GSN: variants seen among roughly 807,000 people sequenced by gnomAD.
GSN encodes the protein gelsolin.
A neutral mutation model predicts 85.7 loss-of-function variants in GSN; 56 were observed. The observed-to-expected ratio is 0.65, with a 90% CI of 0.53 to 0.82. GSN has a LOEUF of 0.82. Ranked by LOEUF, GSN falls within the 40% of genes least tolerant of loss-of-function variation. GSN has a pLI of 0.00. For missense variants in GSN, 857 were observed against 979.8 expected, an observed-to-expected ratio of 0.87 and a Z score of 1.67; for synonymous variants, 373 against 399.1, an observed-to-expected ratio of 0.93 and a Z score of 0.78.
At position 121,310,785 on chromosome 9, in the gene GSN, G is replaced by C. The variant is rs772864569; in HGVS notation, c.453G>C (p.Glu151Asp). ...VKGRRVVRAT[E>D]VPVSWESFNN... Reference sequence around the variant, plus strand: ...GGCGGCGTGTGGTCCGTGCCACCGAGGTACCTGTGTCCTGGGAGAGCTTCA... The same window carrying C: ...GGCGGCGTGTGGTCCGTGCCACCGACGTACCTGTGTCCTGGGAGAGCTTCA... The change falls in exon 5 of 18, where the codon GAG becomes GAC. Residue 151 changes from glutamate (E) to aspartate (D), a missense_variant. Physicochemically the swap from Glu to Asp is conservative, Grantham distance 45. Coordinates refer to ENST00000432226, the MANE Select transcript of GSN (RefSeq NM_198252.3). The C allele has an allele frequency of 1.2e-6, 2 of 1,614,030 alleles. No homozygotes were observed. The highest frequency in any genetic ancestry group is 2.7e-5 in the African/African-American group (2 of 74,910).
At position 121,302,937 on chromosome 9, in the gene GSN, G is replaced by C; in HGVS notation, c.223G>C (p.Gly75Arg). 6.2e-7 allele frequency: 1 copy of C among 1,613,946 alleles called. No individual in the cohort carries two copies. The highest frequency in any genetic ancestry group is 8.5e-7 in the Non-Finnish European group (1 of 1,180,016). ...CAATGAGTGCAGCCAGGATGAGAGC[G>C]GGGCGGCCGCCATCTTTACCGTGCA... is the stretch of plus-strand genomic sequence containing the variant. Reference protein sequence around the residue: ...LGNECSQDESGAAAIFTVQLD... With the variant: ...LGNECSQDESRAAAIFTVQLD... The change falls in exon 4 of 18, where the codon GGG becomes CGG. Residue 75 changes from glycine to arginine, a missense_variant. Physicochemically the swap from Gly to Arg is moderately radical, Grantham distance 125. Coordinates refer to ENST00000432226, the MANE Select transcript of GSN (RefSeq NM_198252.3).
chr9:121,321,415 G>A lies in GSN; in HGVS notation c.1325+14G>A, dbSNP rs113863232. On this transcript the variant is annotated intron_variant, in intron 11 of 17. Transcript: ENST00000432226. Reference sequence around the variant, plus strand: ...AATCTATAACTGGTGAGGTTCTGGGGCCATTGGTGTGTGTCGTGGGGGTAC... The same window carrying A: ...AATCTATAACTGGTGAGGTTCTGGGACCATTGGTGTGTGTCGTGGGGGTAC... 3.3e-5 allele frequency: 53 copies of A among 1,612,506 alleles called. No homozygotes were observed. The African/African-American group carries it at 5.9e-4, about 18-fold the overall frequency.
chr9:121,321,658 C>A (rs1472439925), intron 11 of GSN, among the ~76,000 whole-genome samples: 1 of 152,240 alleles, frequency 6.6e-6, no homozygotes, highest in Non-Finnish European at 1.5e-5. Flanking sequence ...AAATCCATGA[C>A]AAGTACTAGG....
intron 2 of GSN, chr9:121,300,081 A>G (rs764337140): frequency 6.2e-6 from 10 of 1,610,516 alleles, no homozygotes; most frequent in East Asian, 4.5e-5. Context: ...CGCTAGGAAA[A>G]GGGGAGTAAT....
At chr9:121,281,271 T>G in intron 1 of GSN, 199 bp from the exon 2 acceptor site, 1 of 267,170 alleles carries the variant, frequency 3.7e-6, no homozygotes, top group South Asian at 4.0e-5. Context: ...TTAGGACAAT[T>G]CTTTTACGCA....
intron 6 of GSN, among the ~76,000 whole-genome samples, chr9:121,262,435 G>A (rs997402046): frequency 3.9e-5 from 6 of 152,158 alleles, no homozygotes; most frequent in African/African-American, 1.4e-4. Context: ...TAAAGTGACC[G>A]GCATAGAGTA....
chr9:121,288,058 G>T (rs965066166), intron 2 of GSN, among the ~76,000 whole-genome samples: 5 of 152,058 alleles, frequency 3.3e-5, no homozygotes, highest in Admixed American at 1.3e-4. Flanking sequence ...TCCCGAGTAG[G>T]TGGGACCACA....
chr9:121,276,464 A>C (rs756813337), intron 1 of GSN, among the ~76,000 whole-genome samples: 13 of 152,328 alleles, frequency 8.5e-5, no homozygotes, highest in Non-Finnish European at 1.9e-4. Flanking sequence ...CTCACAAAGG[A>C]CCGAATGACT....
chr9:121,241,502 G>T (rs1478413088), intron 5 of GSN, among the ~76,000 whole-genome samples: 1 of 152,202 alleles, frequency 6.6e-6, no homozygotes, highest in Admixed American at 6.5e-5. Flanking sequence ...CTTGGGGCAG[G>T]TAATGTAACC....
intron 1 of GSN, among the ~76,000 whole-genome samples, chr9:121,277,773 CA>C (rs772393559): frequency 3.7e-4 from 56 of 152,176 alleles, no homozygotes; most frequent in Non-Finnish European, 6.6e-4. Context: ...ACCCTTTCAC[CA>C]GAAGTTTTTA....
chr9:121,214,438 T>C (rs889096761), intron 4 of GSN, among the ~76,000 whole-genome samples: 12 of 152,216 alleles, frequency 7.9e-5, no homozygotes, highest in Admixed American at 5.9e-4. Flanking sequence ...TGGAGAATTT[T>C]CAAAGCATTG....
chr9:121,315,956 A>G (rs1453268769), intron 7 of GSN, among the ~76,000 whole-genome samples: 1 of 152,224 alleles, frequency 6.6e-6, no homozygotes, highest in Non-Finnish European at 1.5e-5. Flanking sequence ...AAGGGGTTCT[A>G]TAATTATACA....
intron 11 of GSN, among the ~76,000 whole-genome samples, chr9:121,321,791 G>A (rs1428022126): frequency 6.6e-6 from 1 of 151,926 alleles, no homozygotes; most frequent in Non-Finnish European, 1.5e-5. Context: ...TGCCTAGGCT[G>A]GAGTGCAGTG....
chr9:121,313,960 T>C lies in GSN; in HGVS notation c.690T>C (p.Pro230=). 6.2e-7 allele frequency: 1 copy of C among 1,614,188 alleles called. No homozygotes were observed. The highest frequency in any genetic ancestry group is 8.5e-7 in the Non-Finnish European group (1 of 1,179,990). ...TGCTGGGCCCCAAGCCGGCTCTGCCTGCAGGTACCGAGGACACCGCCAAGG... is the reference window on the plus strand; with the variant it reads ...TGCTGGGCCCCAAGCCGGCTCTGCCCGCAGGTACCGAGGACACCGCCAAGG... The part of the protein sequence containing the change: ...LQVLGPKPAL[P]AGTEDTAKED... The change falls in exon 7 of 18, where the codon CCT becomes CCC. Residue 230 remains proline, a synonymous_variant. Transcript: ENST00000432226.
chr9:121,299,874 C>CAT lies in GSN; in HGVS notation c.-9-2089_-9-2088insAT. 1 of 1,326,710 alleles carries CAT rather than the reference C, an allele frequency of 7.5e-7. No homozygotes were observed. 82.2% of individuals were successfully genotyped at this position (1,326,710 alleles called of 1,614,324 possible). On this transcript the variant is annotated intron_variant, in intron 2 of 17. Transcript: ENST00000432226. The surrounding 1 kb of genome is among the most constrained non-coding windows in gnomAD (Gnocchi z 4.2). ...CGCTGTCGCCACCATGGCTCCGCACCGCCCCGCGCCCGCGCTGCTTTGCGC... is the reference window on the plus strand; with the variant it reads ...CGCTGTCGCCACCATGGCTCCGCACCATGCCCCGCGCCCGCGCTGCTTTGCGC...
chr9:121,276,964 C>T (rs2056758473), intron 1 of GSN, among the ~76,000 whole-genome samples: 2 of 152,204 alleles, frequency 1.3e-5, no homozygotes, highest in South Asian at 4.1e-4. Context: ...AAGAAAGAAA[C>T]CTGGTGGTGG....
chr9:121,316,754 C>A (rs982523620), intron 7 of GSN, among the ~76,000 whole-genome samples: 2 of 152,162 alleles, frequency 1.3e-5, no homozygotes, highest in Admixed American at 6.5e-5. Context: ...TAAAGGTGTG[C>A]GACACTGTAA....
intron 6 of GSN, among the ~76,000 whole-genome samples, chr9:121,250,407 T>G (rs976300588): frequency 6.6e-6 from 1 of 152,156 alleles, no homozygotes. Context: ...GGTTTCACCA[T>G]GTTGGCCAGG....
At chr9:121,310,404 G>A (rs569731460) in intron 4 of GSN, 2 of 469,224 alleles carry the variant, frequency 4.3e-6, no homozygotes, top group Non-Finnish European at 7.8e-6. Flanking sequence ...GGATTCAAAG[G>A]GGTGGCAGAA....
Sources: allele counts gnomAD v4.1 joint callset (sites outside exome capture counted in the v4.1 genomes callset), GRCh38; gene constraint gnomAD v4.1.1; non-coding constraint Gnocchi (gnomAD v3.1); transcripts MANE v1.5; gene names NCBI Gene and HGNC (gene_info 2026-07-23, HGNC 2026-07-21).